Variants in LAMA4 observed in about 807,000 individuals in gnomAD.
LAMA4 encodes the protein laminin subunit alpha-4.
A neutral mutation model predicts 207.1 loss-of-function variants in LAMA4; 127 were observed. The observed-to-expected ratio is 0.61, with a 90% CI of 0.53 to 0.71. The LOEUF (loss-of-function observed/expected upper bound fraction) is 0.71. LAMA4 is among the 30% of genes least tolerant of loss of function. The probability of loss-of-function intolerance (pLI) is 0.00; values close to 1 mark genes in which losing one functional copy is unlikely to be tolerated. For missense variants in LAMA4, 2,093 were observed against 2,246.5 expected (o/e 0.93, Z 1.38); for synonymous variants, 761 against 816.0 (o/e 0.93, Z 1.15).
intron 25 of LAMA4, among the ~76,000 whole-genome samples, chr6:112,135,117 G>C (rs1466981538): frequency 6.6e-6 from 1 of 151,958 alleles, no homozygotes; most frequent in Non-Finnish European, 1.5e-5. Flanking sequence ...TGGTGTGTGT[G>C]TGTGTGTGAG....
intron 2 of LAMA4, among the ~76,000 whole-genome samples, chr6:112,252,686 G>A (rs1254541949): frequency 2.0e-5 from 3 of 152,042 alleles, no homozygotes; most frequent in Non-Finnish European, 2.9e-5. Context: ...GGGACTTTAC[G>A]TGCTCAAAGC....
At chr6:112,126,820 A>G (rs1230691932) in intron 31 of LAMA4, among the ~76,000 whole-genome samples, 1 of 152,214 alleles carries the variant, frequency 6.6e-6, no homozygotes, top group African/African-American at 2.4e-5. Context: ...AAATTATAGA[A>G]ATTTGATTAT....
At position 112,189,090 on chromosome 6, in the gene LAMA4, T is replaced by A. The variant is rs201558394; in HGVS notation, c.814+20A>T. On this transcript the variant is annotated intron_variant, in intron 7 of 38. Coordinates refer to ENST00000230538, the MANE Select transcript of LAMA4 (RefSeq NM_001105206.3). ...CATTAGAGAAAGTGGGGTTAGTCAA[T>A]CATGTACTGTTATTTTTACTTATGG... is the stretch of plus-strand genomic sequence containing the variant. 4.6e-5 allele frequency: 71 copies of A among 1,539,202 alleles called. 1 individual carries two copies. The Admixed American group carries it at 9.7e-4, about 21-fold the overall frequency.
At chr6:112,200,623 G>C (rs6935374) in intron 5 of LAMA4, among the ~76,000 whole-genome samples, 58,570 of 151,972 alleles carry the variant, frequency 0.39, 11,568 homozygotes, top group African/African-American at 0.43. Flanking sequence ...CAAAGACTTG[G>C]AACCAACCCA....
chr6:112,226,586 T>A (rs1785227374), intron 2 of LAMA4, among the ~76,000 whole-genome samples: 1 of 152,218 alleles, frequency 6.6e-6, no homozygotes, highest in Admixed American at 6.5e-5. Context: ...CTTGCCTCCC[T>A]GAAATCACTG....
chr6:112,147,033 G>A (rs1447326299), intron 18 of LAMA4, among the ~76,000 whole-genome samples: 2 of 152,048 alleles, frequency 1.3e-5, no homozygotes, highest in Admixed American at 6.5e-5. Flanking sequence ...CTTACATTAT[G>A]GTATCCTCTT....
intron 13 of LAMA4, 140 bp from the exon 14 acceptor site, chr6:112,159,020 C>G: frequency 1.5e-6 from 1 of 661,118 alleles, no homozygotes; most frequent in Non-Finnish European, 2.7e-6. Flanking sequence ...GTCTAAAATA[C>G]TGTAAGTATA....
At position 112,254,054 on chromosome 6, in the gene LAMA4, G is replaced by C; in HGVS notation, c.97C>G (p.Pro33Ala). The change falls in exon 2 of 39, where the codon CCT becomes GCT. Residue 33 changes from proline (P) to alanine (A), a missense_variant. Pro to Ala is a conservative substitution (Grantham distance 27). Transcript: ENST00000230538. ...RAASGDDNAF[P>A]FDIEGSSAVG... is the part of the protein sequence containing the mutation. The stretch of plus-strand genomic sequence containing the variant: ...GCTGAGCTCCCTTCAATGTCAAAAG[G>C]AAAAGCGTTGTCGTCCCCGGACGCG... 2 of 1,605,900 alleles carry C rather than the reference G, an allele frequency of 1.2e-6. No homozygotes were observed. The highest frequency in any genetic ancestry group is 8.5e-7 in the Non-Finnish European group (1 of 1,176,362).
At chr6:112,148,429 T>G (rs1343769721) in intron 17 of LAMA4, 93 bp from the exon 18 acceptor site, 5 of 1,376,190 alleles carry the variant, frequency 3.6e-6, no homozygotes, top group Non-Finnish European at 5.1e-6. Context: ...ATGAAACAGA[T>G]CTCACATTTT....
chr6:112,238,709 A>G (rs1786126306), intron 2 of LAMA4, among the ~76,000 whole-genome samples: 3 of 151,992 alleles, frequency 2.0e-5, no homozygotes, highest in African/African-American at 7.3e-5. Flanking sequence ...TCTGTCTACA[A>G]ATAAATAAAT....
chr6:112,192,322 C>T (rs1293706164), intron 5 of LAMA4, among the ~76,000 whole-genome samples: 1 of 152,222 alleles, frequency 6.6e-6, no homozygotes, highest in Admixed American at 6.5e-5. Context: ...GCCTGCTATT[C>T]TCCTGGCTGA....
chr6:112,201,722 C>T (rs782437613), intron 4 of LAMA4, 34 bp from the exon 5 acceptor site: 1 of 1,532,060 alleles, frequency 6.5e-7, no homozygotes, highest in South Asian at 1.1e-5. Context: ...AAGTCAATTC[C>T]ATACATCACC....
chr6:112,146,264 G>A (rs544777888), intron 18 of LAMA4, among the ~76,000 whole-genome samples: 147 of 152,036 alleles, frequency 9.7e-4, no homozygotes, highest in African/African-American at 3.4e-3. Flanking sequence ...CACTCCAGCC[G>A]GGGCGACAGA....
intron 5 of LAMA4, chr6:112,200,162 T>C (rs1783652781): frequency 3.8e-6 from 2 of 533,278 alleles, no homozygotes; most frequent in Middle Eastern, 3.2e-4. Context: ...CCTCTCGTGC[T>C]CTGTGGAGAA....
intron 6 of LAMA4, among the ~76,000 whole-genome samples, chr6:112,189,705 G>A (rs782758222): frequency 1.4e-4 from 22 of 152,118 alleles, no homozygotes; most frequent in South Asian, 2.1e-4. Context: ...CTCCCACTGC[G>A]CTTGACCCTT....
intron 37 of LAMA4, 67 bp from the exon 38 acceptor site, chr6:112,114,262 CTATT>C (rs1777882387): frequency 7.4e-6 from 11 of 1,492,902 alleles, no homozygotes; most frequent in Middle Eastern, 1.7e-4. Context: ...CTGAGAAAGA[CTATT>C]TATCACAGCA....
chr6:112,207,637 G>A (rs1784138146), intron 3 of LAMA4, among the ~76,000 whole-genome samples: 1 of 151,402 alleles, frequency 6.6e-6, no homozygotes, highest in Non-Finnish European at 1.5e-5. Context: ...TAGTATAAAT[G>A]GAGTAGAAGG....
Position 112,172,620 on chromosome 6 carries a change from C to T in LAMA4, c.1542G>A (p.Arg514=). Residue 514 remains arginine (R), a synonymous_variant, in exon 12 of 39, where the codon CGG becomes CGA. Coordinates refer to ENST00000230538, the MANE Select transcript of LAMA4 (RefSeq NM_001105206.3). The part of the protein sequence containing the change: ...DMNRATAARQ[R]DHEKQQERVR... ...TGAGTGTCCGCTGTACCTCATGGTC[C>T]CGCTGCCTGGCTGCTGTGGCCCTGT... The T allele has an allele frequency of 6.2e-7, 1 of 1,612,782 alleles. No homozygotes were observed. Among genetic ancestry groups the T allele is most frequent in the African/African-American group, 1.3e-5 (1 of 75,004 alleles).
rs1554347141 is a variant in LAMA4 at position 112,187,518 on chromosome 6, T to C, written c.898A>G (p.Ser300Gly). 6.2e-7 allele frequency: 1 copy of C among 1,614,118 alleles called. No homozygotes were observed. The highest frequency in any genetic ancestry group is 1.7e-5 in the Admixed American group (1 of 60,028). Reference sequence around the variant, plus strand: ...TGAGCGGCGGCCCCAGAGGATACGCTCAGCACCCCGGATTTGCCTTCCTCG... The same window carrying C: ...TGAGCGGCGGCCCCAGAGGATACGCCCAGCACCCCGGATTTGCCTTCCTCG... ...SIEEGKSGVL[S>G]VSSGAAAHRH... Residue 300 changes from serine (S) to glycine (G), a missense_variant, in exon 8 of 39, where the codon AGC (serine) becomes GGC (glycine). Coordinates refer to ENST00000230538, the MANE Select transcript of LAMA4 (RefSeq NM_001105206.3).
Sources: allele counts gnomAD v4.1 joint callset (sites outside exome capture counted in the v4.1 genomes callset), GRCh38; gene constraint gnomAD v4.1.1; transcripts MANE v1.5; gene names NCBI Gene and HGNC (gene_info 2026-07-23, HGNC 2026-07-21).